Variants in SLX9 observed in about 807,000 individuals in gnomAD.
The protein encoded by SLX9 is SLX9 ribosome biogenesis factor.
In SLX9, 19 loss-of-function variants were observed where a neutral mutation model predicts 20.8. The ratio of observed to expected loss-of-function variants is 0.91; its 90% CI spans 0.64 to 1.34. The LOEUF (loss-of-function observed/expected upper bound fraction) is 1.34. Among genes scored for constraint, SLX9 ranks in the 40% most tolerant of loss-of-function variants. SLX9 has a pLI of 0.00. For missense variants in SLX9, 299 were observed against 322.2 expected, an observed-to-expected ratio of 0.93 and a Z score of 0.55; for synonymous variants, 113 against 137.1, an observed-to-expected ratio of 0.82 and a Z score of 1.23.
chr21:44,964,746 T>C (rs899080907), intron 3 of SLX9, among the ~76,000 whole-genome samples: 6 of 152,260 alleles, frequency 3.9e-5, no homozygotes, highest in Non-Finnish European at 7.3e-5. Flanking sequence ...ACACTCGATA[T>C]TATGAAACAT....
chr21:44,972,054 C>T (rs1194463408), intron 4 of SLX9, among the ~76,000 whole-genome samples: 4 of 152,166 alleles, frequency 2.6e-5, no homozygotes, highest in Non-Finnish European at 5.9e-5. Flanking sequence ...TTTGGGCAGA[C>T]ACAAAATGTC....
chr21:44,939,903 A>G (rs1601360800), upstream of SLX9: 4 of 717,244 alleles, frequency 5.6e-6, no homozygotes, highest in Non-Finnish European at 8.4e-6. Context: ...CCGCCACCCT[A>G]CACCCGCGAC....
intron 2 of SLX9, among the ~76,000 whole-genome samples, chr21:44,953,857 G>A (rs765167088): frequency 3.3e-5 from 5 of 152,184 alleles, no homozygotes; most frequent in Admixed American, 1.3e-4. Flanking sequence ...TGCAAACCTC[G>A]GCCGCACCCC....
At chr21:44,972,498 C>T (rs1296635544) in intron 4 of SLX9, among the ~76,000 whole-genome samples, 3 of 152,204 alleles carry the variant, frequency 2.0e-5, no homozygotes, top group Non-Finnish European at 4.4e-5. Flanking sequence ...TAGCCAGCAG[C>T]ACTCAGGAAA....
At chr21:44,973,024 C>CGGGGCGGGCAG in intron 4 of SLX9, 173 bp from the exon 5 acceptor site, 1 of 720,762 alleles carries the variant, frequency 1.4e-6, no homozygotes, top group African/African-American at 1.8e-5. Context: ...ACTGCTTGTC[C>CGGGGCGGGCAG]AGGTCTCGCC....
intron 4 of SLX9, among the ~76,000 whole-genome samples, chr21:44,970,208 T>G (rs1568945659): frequency 6.6e-6 from 1 of 152,230 alleles, no homozygotes; most frequent in African/African-American, 2.4e-5. Context: ...AGAGACTGTT[T>G]GGAATCCTGC....
chr21:44,972,872 A>G (rs1251183453), intron 4 of SLX9, among the ~76,000 whole-genome samples: 1 of 150,134 alleles, frequency 6.7e-6, no homozygotes, highest in Non-Finnish European at 1.5e-5. Context: ...CTGGCTGACC[A>G]CTCCCTCCAT....
intron 5 of SLX9, among the ~76,000 whole-genome samples, chr21:44,974,125 C>T (rs1209143604): frequency 6.6e-6 from 1 of 152,242 alleles, no homozygotes; most frequent in Non-Finnish European, 1.5e-5. Flanking sequence ...GACTCAGCTC[C>T]AGTTTCCACT....
At chr21:44,955,001 G>A (rs1778857614) in intron 2 of SLX9, among the ~76,000 whole-genome samples, 1 of 152,090 alleles carries the variant, frequency 6.6e-6, no homozygotes, top group South Asian at 2.1e-4. Flanking sequence ...ATCACTTGAG[G>A]TCAGGAGTTT....
At chr21:44,951,059 G>A (rs977429839) in intron 2 of SLX9, among the ~76,000 whole-genome samples, 1 of 152,164 alleles carries the variant, frequency 6.6e-6, no homozygotes, top group Non-Finnish European at 1.5e-5. Context: ...TCGGATTAAA[G>A]TCGCCGGTTT....
At chr21:44,959,961 A>C in intron 2 of SLX9, 139 bp from the exon 3 acceptor site, 1 of 723,584 alleles carries the variant, frequency 1.4e-6, no homozygotes. Context: ...CAGAGCCGGG[A>C]GTCTGAGAGG....
intron 2 of SLX9, among the ~76,000 whole-genome samples, chr21:44,947,273 G>T (rs2084660817): frequency 6.6e-6 from 1 of 152,202 alleles, no homozygotes; most frequent in African/African-American, 2.4e-5. Flanking sequence ...ATGGAGGTGA[G>T]GTGGCGGCCT....
intron 5 of SLX9, among the ~76,000 whole-genome samples, chr21:44,973,696 G>A (rs1239462512): frequency 2.7e-5 from 4 of 149,396 alleles, no homozygotes; most frequent in Non-Finnish European, 5.9e-5. Context: ...GCTCCTGTGT[G>A]CCCCCACCCC....
At chr21:44,954,125 A>C (rs2084810628) in intron 2 of SLX9, among the ~76,000 whole-genome samples, 1 of 151,990 alleles carries the variant, frequency 6.6e-6, no homozygotes, top group Non-Finnish European at 1.5e-5. Context: ...TTGTGGGGTG[A>C]GCTAACACTG....
chr21:44,955,645 G>T (rs568963447), intron 2 of SLX9, among the ~76,000 whole-genome samples: 5 of 152,136 alleles, frequency 3.3e-5, no homozygotes, highest in Admixed American at 1.3e-4. Flanking sequence ...TTGGCCTCCT[G>T]AGCAGCTGGG....
intron 2 of SLX9, among the ~76,000 whole-genome samples, chr21:44,958,039 G>A (rs1373441930): frequency 6.6e-6 from 1 of 152,238 alleles, no homozygotes; most frequent in Non-Finnish European, 1.5e-5. Flanking sequence ...TCGGCTGGCC[G>A]GCGATTGTAT....
At chr21:44,953,554 T>C (rs1487249769) in intron 2 of SLX9, among the ~76,000 whole-genome samples, 2 of 150,552 alleles carry the variant, frequency 1.3e-5, no homozygotes, top group East Asian at 3.9e-4. Flanking sequence ...TCCCCGGCGG[T>C]GGGGCCCTGC....
chr21:44,940,252 C>G, intron 1 of SLX9, 66 bp downstream of exon 1: 1 of 1,197,440 alleles, frequency 8.4e-7, no homozygotes, highest in Non-Finnish European at 1.0e-6. Flanking sequence ...CTGCGGGGCG[C>G]CGCCTCCGGG....
chr21:44,957,897 C>T (rs1452563928), intron 2 of SLX9, among the ~76,000 whole-genome samples: 2 of 152,198 alleles, frequency 1.3e-5, no homozygotes, highest in African/African-American at 2.4e-5. Flanking sequence ...GTGTGTGAGC[C>T]GCCCGTGCAG....
Sources: gnomAD v4.1 joint callset for allele counts (sites outside exome capture counted in the v4.1 genomes callset) on GRCh38, gnomAD v4.1.1 for gene constraint, MANE v1.5 for transcripts, NCBI Gene and HGNC (gene_info 2026-07-23, HGNC 2026-07-21) for gene names.